The following DOCK5 variants were observed in gnomAD, a reference collection of about 807,000 sequenced individuals.
The protein encoded by DOCK5 is dedicator of cytokinesis 5.
Under a neutral mutation model 251.8 loss-of-function variants are expected in DOCK5, and 142 were observed. The ratio of observed to expected loss-of-function variants is 0.56; its 90% CI spans 0.49 to 0.65. The LOEUF (loss-of-function observed/expected upper bound fraction) is 0.65. DOCK5 is among the 30% of genes least tolerant of loss of function. DOCK5 has a pLI of 0.00. For synonymous variants in DOCK5, 842 were observed against 835.5 expected (o/e 1.01, Z -0.13); for missense variants, 2,111 against 2,312.3 (o/e 0.91, Z 1.79).
At chr8:25,215,640 T>C (rs1399717570) in intron 1 of DOCK5, among the ~76,000 whole-genome samples, 9 of 152,116 alleles carry the variant, frequency 5.9e-5, no homozygotes, top group Admixed American at 2.0e-4. Context: ...CCTTGGTCAT[T>C]GTGTTATTTC....
At chr8:25,354,545 A>G (rs1357161749) in intron 27 of DOCK5, among the ~76,000 whole-genome samples, 1 of 152,228 alleles carries the variant, frequency 6.6e-6, no homozygotes, top group East Asian at 1.9e-4. Flanking sequence ...GCTTCCGCTA[A>G]CATGAAATGA....
chr8:25,305,553 G>GA (rs1429553791), intron 11 of DOCK5, among the ~76,000 whole-genome samples: 5 of 151,948 alleles, frequency 3.3e-5, no homozygotes, highest in African/African-American at 7.3e-5. Context: ...TTAATACATA[G>GA]AAAAAAATCG....
At position 25,395,597 on chromosome 8, in the gene DOCK5, A is replaced by G; in HGVS notation, c.4582A>G (p.Arg1528Gly). Residue 1528 changes from arginine to glycine, a missense_variant, in exon 45 of 52, where the codon AGG becomes GGG. By Grantham distance (125) the Arg-to-Gly change is moderately radical. Transcript: ENST00000276440. ...AIETMELTNE[R>G]ISNCVQQHAW... ...CGAAACCATGGAGCTGACCAACGAGAGGATCAGCAACTGTGTTCAGCAGCA... is the reference window on the plus strand; with the variant it reads ...CGAAACCATGGAGCTGACCAACGAGGGGATCAGCAACTGTGTTCAGCAGCA... 3 of 1,613,416 alleles carry G rather than the reference A, an allele frequency of 1.9e-6. No individual in the cohort carries two copies. The highest frequency in any genetic ancestry group is 2.5e-6 in the Non-Finnish European group (3 of 1,179,714).
intron 33 of DOCK5, 69 bp downstream of exon 33, chr8:25,368,794 A>G (rs1800823160): frequency 5.4e-6 from 8 of 1,469,246 alleles, no homozygotes; most frequent in African/African-American, 4.2e-5. Flanking sequence ...ATTTCTTTCT[A>G]TATAGAGAAG....
chr8:25,395,726 T>A lies in DOCK5; in HGVS notation c.4704+7T>A. On this transcript the variant is annotated splice_region_variant and intron_variant, in intron 45 of 51. Coordinates refer to ENST00000276440, the MANE Select transcript of DOCK5 (RefSeq NM_024940.8). ...CTTCTCCAACTATGAAAAGGTTCGC[T>A]TGGTCCCAGAATCCCCTAGGGATTC... 6.2e-7 allele frequency: 1 copy of A among 1,612,508 alleles called. No individual in the cohort carries two copies. Among genetic ancestry groups the A allele is most frequent in the South Asian group, 1.1e-5 (1 of 90,866 alleles).
At chr8:25,262,968 T>A (rs1239912522) in intron 2 of DOCK5, among the ~76,000 whole-genome samples, 1 of 149,844 alleles carries the variant, frequency 6.7e-6, no homozygotes, top group Non-Finnish European at 1.5e-5. Flanking sequence ...CACTTAGGAT[T>A]TGGGTTATTA....
At chr8:25,242,570 A>G (rs979021342) in intron 1 of DOCK5, among the ~76,000 whole-genome samples, 3 of 152,222 alleles carry the variant, frequency 2.0e-5, no homozygotes, top group African/African-American at 7.2e-5. Context: ...CATGACTAAT[A>G]GTGTCGAACA....
intron 40 of DOCK5, among the ~76,000 whole-genome samples, chr8:25,388,078 A>G (rs1286827476): frequency 6.6e-6 from 1 of 152,116 alleles, no homozygotes; most frequent in Non-Finnish European, 1.5e-5. Context: ...CCCTTCATTC[A>G]GTGTTTGCCT....
chr8:25,402,438 A>C (rs1005187880), intron 47 of DOCK5, among the ~76,000 whole-genome samples: 1 of 152,106 alleles, frequency 6.6e-6, no homozygotes, highest in African/African-American at 2.4e-5. Flanking sequence ...CTGGGACTAC[A>C]TGTGCCCGCC....
chr8:25,254,783 C>A (rs2468903), intron 2 of DOCK5, among the ~76,000 whole-genome samples: 38,415 of 41,902 alleles, frequency 0.92, 17,479 homozygotes, highest in South Asian at 0.98. Flanking sequence ...CAAAAAAAAA[C>A]AAAACAAAAC....
intron 1 of DOCK5, among the ~76,000 whole-genome samples, chr8:25,242,185 T>C (rs908560635): frequency 2.0e-5 from 3 of 152,160 alleles, no homozygotes; most frequent in African/African-American, 7.2e-5. Flanking sequence ...TCAACTCTTT[T>C]GCCTTACAGG....
Position 25,308,871 on chromosome 8 carries a change from A to G in DOCK5, c.1138A>G (p.Thr380Ala). Residue 380 changes from threonine (T) to alanine (A), a missense_variant, in exon 12 of 52, where the codon ACT becomes GCT. Coordinates refer to ENST00000276440, the MANE Select transcript of DOCK5 (RefSeq NM_024940.8). ...SHVIGENEPLTSVLNKVIAAK... is the reference protein window; with the variant it reads ...SHVIGENEPLASVLNKVIAAK... ...CGTGATTGGGGAGAATGAGCCACTCACTTCAGTCTTGAATAAAGTGATTGC... is the reference window on the plus strand; with the variant it reads ...CGTGATTGGGGAGAATGAGCCACTCGCTTCAGTCTTGAATAAAGTGATTGC... 3 of 1,613,948 alleles carry G rather than the reference A, an allele frequency of 1.9e-6. No homozygotes were observed. Among genetic ancestry groups the G allele is most frequent in the Non-Finnish European group, 1.7e-6 (2 of 1,179,856 alleles).
rs1368993834 is a variant in DOCK5 at position 25,414,881 on chromosome 8, T to C, written c.*3583T>C. 6.9e-6 allele frequency: 1 copy of C among 145,184 alleles called. No individual in the cohort carries two copies. The highest frequency in any genetic ancestry group is 2.5e-5 in the African/African-American group (1 of 39,552). 9.0% of individuals were successfully genotyped at this position (145,184 alleles called of 1,614,324 possible). A position where few individuals can be genotyped will look rare whatever the true frequency, so the allele number is the denominator to read the frequency against. The stretch of plus-strand genomic sequence containing the variant: ...TAAAGACTGTGCACCTTTTAACAAG[T>C]CAATTTGTAGTCAGTCCCTGGGCCT... On this transcript the variant is annotated 3_prime_UTR_variant, in exon 52 of 52. Transcript: ENST00000276440.
chr8:25,372,436 C>A, intron 34 of DOCK5, 123 bp from the exon 35 acceptor site: 1 of 950,380 alleles, frequency 1.1e-6, no homozygotes, highest in Non-Finnish European at 1.5e-6. Flanking sequence ...TAATATCTAA[C>A]ATTGACGTTC....
intron 38 of DOCK5, among the ~76,000 whole-genome samples, chr8:25,379,568 ACAAT>A (rs1343292271): frequency 2.6e-5 from 4 of 152,086 alleles, no homozygotes; most frequent in Admixed American, 6.6e-5. Flanking sequence ...CACATGTTTT[ACAAT>A]CAATTTGTAC....
chr8:25,334,760 C>T (rs1805762397), intron 21 of DOCK5, among the ~76,000 whole-genome samples: 2 of 151,560 alleles, frequency 1.3e-5, no homozygotes, highest in East Asian at 3.9e-4. Context: ...TGACTCAACC[C>T]AGGATCTCAG....
intron 38 of DOCK5, among the ~76,000 whole-genome samples, chr8:25,378,415 C>G (rs1801001495): frequency 6.6e-6 from 1 of 152,182 alleles, no homozygotes; most frequent in Non-Finnish European, 1.5e-5. Flanking sequence ...TTCTTGAATT[C>G]TGAGATTTCA....
At chr8:25,407,856 C>A (rs1586402815) in intron 48 of DOCK5, 127 bp from the exon 49 acceptor site, 4 of 1,020,438 alleles carry the variant, frequency 3.9e-6, no homozygotes. Flanking sequence ...GGGAGAAAGA[C>A]CCTGTCTCAA....
intron 1 of DOCK5, among the ~76,000 whole-genome samples, chr8:25,219,245 T>G (rs1022095057): frequency 6.6e-6 from 1 of 152,240 alleles, no homozygotes; most frequent in African/African-American, 2.4e-5. Context: ...CCCTGAGCCC[T>G]TCCTTGTACA....
Sources: allele counts gnomAD v4.1 joint callset (sites outside exome capture counted in the v4.1 genomes callset), GRCh38; gene constraint gnomAD v4.1.1; transcripts MANE v1.5; gene names NCBI Gene and HGNC (gene_info 2026-07-23, HGNC 2026-07-21).